The following SNX29 variants were observed in gnomAD, a reference collection of about 807,000 sequenced individuals.
SNX29 encodes sorting nexin 29.
In SNX29, 78 loss-of-function variants were observed where a neutral mutation model predicts 102.1. The observed-to-expected ratio is 0.76, with a 90% CI of 0.64 to 0.92. The LOEUF (loss-of-function observed/expected upper bound fraction) is 0.92, where lower values mean the gene tolerates loss of function less well. SNX29 is among the 40% of genes least tolerant of loss of function. SNX29 has a pLI of 0.00. For synonymous variants in SNX29, 580 were observed against 414.5 expected, an observed-to-expected ratio of 1.40 and a Z score of -4.85; for missense variants, 1,280 against 1,061.7, an observed-to-expected ratio of 1.21 and a Z score of -2.86.
At chr16:11,999,509 T>C in intron 2 of SNX29, 151 bp downstream of exon 2, 1 of 824,246 alleles carries the variant, frequency 1.2e-6, no homozygotes, top group Non-Finnish European at 1.9e-6. Context: ...CAGGAAATGA[T>C]AGAGCAGTGA....
chr16:12,489,483 C>T (rs1035779273), intron 19 of SNX29, among the ~76,000 whole-genome samples: 4 of 152,130 alleles, frequency 2.6e-5, no homozygotes, highest in Non-Finnish European at 2.9e-5. Context: ...CAGATCCTGC[C>T]CCCTCCCACA....
intron 11 of SNX29, among the ~76,000 whole-genome samples, chr16:12,080,880 C>T (rs1370308272): frequency 4.6e-5 from 7 of 151,880 alleles, no homozygotes; most frequent in Admixed American, 3.3e-4. Flanking sequence ...GATGGGGTTT[C>T]GCCATGTTGG....
chr16:12,073,967 T>C (rs1168246615), intron 10 of SNX29, among the ~76,000 whole-genome samples: 1 of 152,192 alleles, frequency 6.6e-6, no homozygotes, highest in Admixed American at 6.5e-5. Context: ...TAAAGTCTCT[T>C]TTATCAGAGA....
chr16:12,312,403 C>G (rs538530854), intron 15 of SNX29, among the ~76,000 whole-genome samples: 1 of 152,302 alleles, frequency 6.6e-6, no homozygotes, highest in East Asian at 1.9e-4. Flanking sequence ...AGAGACTTTA[C>G]CTTAACTCTG....
intron 14 of SNX29, among the ~76,000 whole-genome samples, chr16:12,277,288 G>A (rs2079281612): frequency 6.6e-6 from 1 of 152,062 alleles, no homozygotes. Flanking sequence ...CAGTCCCAGT[G>A]ACTCAGGAGG....
At chr16:12,517,400 CT>C (rs1164540301) in intron 19 of SNX29, among the ~76,000 whole-genome samples, 1 of 152,224 alleles carries the variant, frequency 6.6e-6, no homozygotes, top group African/African-American at 2.4e-5. Flanking sequence ...GCCTAGTTCC[CT>C]GTCTTCACTC....
At chr16:12,326,329 C>CTTTTTT (rs35321885) in intron 15 of SNX29, among the ~76,000 whole-genome samples, 2 of 141,648 alleles carry the variant, frequency 1.4e-5, no homozygotes, top group African/African-American at 5.2e-5. Flanking sequence ...GCTTTTTTGT[C>CTTTTTT]TTTTTTTTTT....
chr16:12,272,576 C>T (rs966450135), intron 14 of SNX29, among the ~76,000 whole-genome samples: 7 of 152,234 alleles, frequency 4.6e-5, no homozygotes, highest in African/African-American at 1.7e-4. Flanking sequence ...AGTGCAGGCT[C>T]CCCTCAAATT....
Position 12,569,472 on chromosome 16 carries a change from A to C in SNX29, c.*843A>C, listed in dbSNP as rs1458091826. 4.3e-6 allele frequency: 1 copy of C among 231,208 alleles called. No individual in the cohort carries two copies. The highest frequency in any genetic ancestry group is 5.7e-5 in the Admixed American group (1 of 17,694). 14.3% of individuals were successfully genotyped at this position (231,208 alleles called of 1,614,324 possible). On this transcript the variant is annotated 3_prime_UTR_variant, in exon 21 of 21. Coordinates refer to ENST00000566228, the MANE Select transcript of SNX29 (RefSeq NM_032167.5). Reference sequence around the variant, plus strand: ...CCTACAGTCATGAGAGACTTGGGTCAGGGAACCACTGCAGAAGGTTCCAGG... The same window carrying C: ...CCTACAGTCATGAGAGACTTGGGTCCGGGAACCACTGCAGAAGGTTCCAGG...
At chr16:12,545,133 T>C (rs1597876442) in intron 20 of SNX29, among the ~76,000 whole-genome samples, 1 of 152,192 alleles carries the variant, frequency 6.6e-6, no homozygotes, top group East Asian at 1.9e-4. Context: ...CCCACTTACC[T>C]AGCACAGCTA....
intron 13 of SNX29, among the ~76,000 whole-genome samples, chr16:12,152,483 C>G (rs1249634624): frequency 1.3e-5 from 2 of 152,128 alleles, no homozygotes; most frequent in African/African-American, 4.8e-5. Flanking sequence ...GCATTGGGGT[C>G]TTTGGAAACC....
intron 20 of SNX29, among the ~76,000 whole-genome samples, chr16:12,541,632 C>T (rs896115818): frequency 1.1e-4 from 17 of 152,162 alleles, no homozygotes; most frequent in African/African-American, 2.7e-4. Context: ...CGGGGTCCAT[C>T]GCATCTTCGT....
Position 12,569,609 on chromosome 16 carries a change from C to A in SNX29, c.*980C>A, listed in dbSNP as rs188384934. On this transcript the variant is annotated 3_prime_UTR_variant, in exon 21 of 21. Transcript: ENST00000566228. ...CATCCCGTCTGCCCCCGACATTGTCCTTGATAACAGAACTCTGCATCCCCT... is the reference window on the plus strand; with the variant it reads ...CATCCCGTCTGCCCCCGACATTGTCATTGATAACAGAACTCTGCATCCCCT... 3 of 224,146 alleles carry A rather than the reference C, an allele frequency of 1.3e-5. No homozygotes were observed. The highest frequency in any genetic ancestry group is 1.2e-4 in the Admixed American group (2 of 16,916). 13.9% of individuals were successfully genotyped at this position (224,146 alleles called of 1,614,324 possible).
At chr16:12,536,802 C>G (rs929692786) in intron 20 of SNX29, among the ~76,000 whole-genome samples, 1 of 152,044 alleles carries the variant, frequency 6.6e-6, no homozygotes, top group African/African-American at 2.4e-5. Context: ...ATGGTAAAAC[C>G]CCATCTCTAT....
At chr16:12,207,709 G>A (rs79874415) in intron 14 of SNX29, among the ~76,000 whole-genome samples, 11,191 of 152,118 alleles carry the variant, frequency 0.074, 490 homozygotes, top group East Asian at 0.17. Flanking sequence ...TTTGTGGTAC[G>A]ATCCAGCTCT....
chr16:12,540,530 C>A (rs1030272811), intron 20 of SNX29, among the ~76,000 whole-genome samples: 1 of 152,200 alleles, frequency 6.6e-6, no homozygotes, highest in Non-Finnish European at 1.5e-5. Context: ...GAATTTGTTT[C>A]GCGGCTTCCT....
chr16:12,126,883 T>C (rs1413895220), intron 12 of SNX29, among the ~76,000 whole-genome samples, 187 bp downstream of exon 12: 1 of 152,218 alleles, frequency 6.6e-6, no homozygotes, highest in Admixed American at 6.5e-5. Context: ...TTGCCTGATA[T>C]GTAAGAAAGA....
intron 14 of SNX29, among the ~76,000 whole-genome samples, chr16:12,237,576 G>T (rs2077975414): frequency 6.6e-6 from 1 of 151,980 alleles, no homozygotes; most frequent in African/African-American, 2.4e-5. Context: ...TTTGAGACCA[G>T]ACTGGGCAAC....
chr16:12,320,667 C>T (rs917983121), intron 15 of SNX29, among the ~76,000 whole-genome samples: 1 of 152,138 alleles, frequency 6.6e-6, no homozygotes, highest in African/African-American at 2.4e-5. Context: ...GCTGGGGAAA[C>T]TAAGATCACT....
Sources: gnomAD v4.1 joint callset for allele counts (sites outside exome capture counted in the v4.1 genomes callset) on GRCh38, gnomAD v4.1.1 for gene constraint, MANE v1.5 for transcripts, NCBI Gene and HGNC (gene_info 2026-07-23, HGNC 2026-07-21) for gene names.